The following CTCF variants were observed in gnomAD, a reference collection of about 807,000 sequenced individuals.
CTCF encodes the protein CCCTC-binding factor.
CTCF carries 7 observed loss-of-function variants against 72.3 expected under a neutral mutation model. The observed-to-expected ratio is 0.10, with a 90% CI of 0.06 to 0.18. CTCF has a LOEUF of 0.18. Ranked by LOEUF, CTCF falls within the 10% of genes least tolerant of loss-of-function variation. The probability of loss-of-function intolerance (pLI) is 1.00; values close to 1 mark genes in which losing one functional copy is unlikely to be tolerated. For synonymous variants in CTCF, 374 were observed against 315.8 expected, an observed-to-expected ratio of 1.18 and a Z score of -1.95; for missense variants, 516 against 949.1, an observed-to-expected ratio of 0.54 and a Z score of 6.00.
At chr16:67,573,613 A>T (rs896383686) in intron 2 of CTCF, among the ~76,000 whole-genome samples, 1 of 152,200 alleles carries the variant, frequency 6.6e-6, no homozygotes, top group Non-Finnish European at 1.5e-5. Flanking sequence ...GAAGCAATAC[A>T]TTTGAGCTAT....
At chr16:67,586,940 C>G (rs1464478992) in intron 2 of CTCF, among the ~76,000 whole-genome samples, 3 of 151,706 alleles carry the variant, frequency 2.0e-5, no homozygotes, top group Non-Finnish European at 2.9e-5. Flanking sequence ...ACTACAGGCC[C>G]GCACCACCAT....
At position 67,636,754 on chromosome 16, in the gene CTCF, T is replaced by C. The variant is rs1419593363; in HGVS notation, c.1902T>C (p.Pro634=). The C allele has an allele frequency of 1.9e-6, 3 of 1,609,068 alleles. No homozygotes were observed. The African/African-American group carries it at 4.0e-5, about 22-fold the overall frequency. The part of the protein sequence containing the change: ...DEEEPAVEIE[P]EPEPQPVTPA... ...AGGAGCCTGCCGTAGAAATTGAACCTGAGCCAGAGCCTCAGCCTGTGACCC... is the reference window on the plus strand; with the variant it reads ...AGGAGCCTGCCGTAGAAATTGAACCCGAGCCAGAGCCTCAGCCTGTGACCC... The change falls in exon 11 of 12, where the codon CCT becomes CCC. Residue 634 remains proline, a synonymous_variant. Coordinates refer to ENST00000264010, the MANE Select transcript of CTCF (RefSeq NM_006565.4).
intron 2 of CTCF, among the ~76,000 whole-genome samples, chr16:67,578,701 AT>A (rs905096913): frequency 1.3e-4 from 20 of 151,286 alleles, no homozygotes; most frequent in Non-Finnish European, 2.4e-4. Context: ...TAATCTCAGC[AT>A]TTTGGGAGGC....
At chr16:67,601,294 C>CGTGTGTGTGTGTGTGTGTGT (rs58241150) in intron 2 of CTCF, among the ~76,000 whole-genome samples, 2 of 98,670 alleles carry the variant, frequency 2.0e-5, no homozygotes, top group Admixed American at 1.1e-4. Flanking sequence ...ACTCTGTCAC[C>CGTGTGTGTGTGTGTGTGTGT]GTGTGTGTGT....
In CTCF at chr16:67,571,274, A is replaced by G. The variant is rs900324526; in HGVS notation, c.-10+10A>G. 2.6e-5 allele frequency: 4 copies of G among 152,514 alleles called. No individual in the cohort carries two copies. Among genetic ancestry groups the G allele is most frequent in the Admixed American group, 1.3e-4 (2 of 15,254 alleles). 9.4% of individuals were successfully genotyped at this position (152,514 alleles called of 1,614,324 possible). A position where few individuals can be genotyped will look rare whatever the true frequency, so the allele number is the denominator to read the frequency against. ...TTGCAGCCACGGAGAGGTAAGTGCTATTTCCATTTTTTCTATCTTAAAAAT... is the reference window on the plus strand; with the variant it reads ...TTGCAGCCACGGAGAGGTAAGTGCTGTTTCCATTTTTTCTATCTTAAAAAT... On this transcript the variant is annotated intron_variant, in intron 2 of 11. Transcript: ENST00000264010.
In CTCF at chr16:67,637,951, CTTT is replaced by C; in HGVS notation, c.*84_*86del. ...GCATCTTAATTTTTCTCCCTTCTTT[CTTT>C]TTTTGGCTTTGGGAAAAGCATCATT... On this transcript the variant is annotated 3_prime_UTR_variant, in exon 12 of 12. Transcript: ENST00000264010. 1 of 1,272,212 alleles carries C rather than the reference CTTT, an allele frequency of 7.9e-7. No homozygotes were observed. The highest frequency in any genetic ancestry group is 2.5e-5 in the East Asian group (1 of 40,058). The allele number at this position is 1,272,212 out of a possible 1,614,324, so 78.8% of individuals were successfully genotyped here. A position where few individuals can be genotyped will look rare whatever the true frequency, so the allele number is the denominator to read the frequency against.
chr16:67,578,413 AC>A (rs2051532620), intron 2 of CTCF, among the ~76,000 whole-genome samples: 1 of 147,402 alleles, frequency 6.8e-6, no homozygotes, highest in African/African-American at 2.5e-5. Context: ...GCTCACTGCA[AC>A]CTCTACCTCC....
intron 1 of CTCF, among the ~76,000 whole-genome samples, chr16:67,566,532 AAAAAAAAAGATTAGTCTT>A (rs2051345181): frequency 6.6e-6 from 1 of 150,862 alleles, no homozygotes; most frequent in East Asian, 2.0e-4. Context: ...AAAAAAAAAA[AAAAAAAAAGATTAGTCTT>A]ACCACATTTG....
Position 67,608,043 on chromosome 16 carries a change from G to T in CTCF, c.-9-2781G>T, listed in dbSNP as rs1218448739. 3.0e-5 allele frequency among the ~76,000 whole-genome samples: 4 copies of T among 134,462 alleles called. No individual in the cohort carries two copies. In the Admixed American group the frequency reaches 3.0e-4, roughly 10 times the overall value. 88.2% of individuals were successfully genotyped at this position (134,462 alleles called of 152,430 possible). A position where few individuals can be genotyped will look rare whatever the true frequency, so the allele number is the denominator to read the frequency against. ...CAAAAAAAAAAAAAAAGTAAAAACCGGTTGGGCGCAGTGGCTCACACCTGT... is the reference window on the plus strand; with the variant it reads ...CAAAAAAAAAAAAAAAGTAAAAACCTGTTGGGCGCAGTGGCTCACACCTGT... On this transcript the variant is annotated intron_variant, in intron 2 of 11. Coordinates refer to ENST00000264010, the MANE Select transcript of CTCF (RefSeq NM_006565.4).
Position 67,576,140 on chromosome 16 carries a change from T to TAAA in CTCF, c.-10+4896_-10+4898dup, listed in dbSNP as rs561098313. ...TGGGTGACAGAGTGAGACCCTGTCT[T>TAAA]AAAAAAAAAAAAAAAAAAAAAACGG... On this transcript the variant is annotated intron_variant, in intron 2 of 11. Coordinates refer to ENST00000264010, the MANE Select transcript of CTCF (RefSeq NM_006565.4). Among the ~76,000 whole-genome samples the TAAA allele has an allele frequency of 2.1e-3, 194 of 91,876 alleles. 3 individuals carry two copies. Among genetic ancestry groups the TAAA allele is most frequent in the African/African-American group, 7.1e-3 (176 of 24,684 alleles). 60.3% of individuals were successfully genotyped at this position (91,876 alleles called of 152,430 possible). A position where few individuals can be genotyped will look rare whatever the true frequency, so the allele number is the denominator to read the frequency against.
At chr16:67,596,911 G>T (rs189816811) in intron 2 of CTCF, among the ~76,000 whole-genome samples, 2 of 152,192 alleles carry the variant, frequency 1.3e-5, no homozygotes, top group East Asian at 1.9e-4. Flanking sequence ...TTATTTTATG[G>T]TGCTTAAAAT....
intron 2 of CTCF, among the ~76,000 whole-genome samples, chr16:67,594,866 T>C (rs985427211): frequency 5.3e-5 from 8 of 152,106 alleles, no homozygotes; most frequent in Admixed American, 2.6e-4. Context: ...ACATAGAACA[T>C]TATGCTACAG....
chr16:67,618,839 C>T (rs920714297), intron 5 of CTCF, among the ~76,000 whole-genome samples: 1 of 152,092 alleles, frequency 6.6e-6, no homozygotes, highest in Admixed American at 6.6e-5. Flanking sequence ...GTAACTTTTC[C>T]AGAGGACCTG....
chr16:67,599,821 T>C (rs760615894), intron 2 of CTCF, among the ~76,000 whole-genome samples: 7 of 152,196 alleles, frequency 4.6e-5, no homozygotes, highest in Non-Finnish European at 7.3e-5. Context: ...AGTTTCTGTT[T>C]ATTCCCTGTC....
intron 2 of CTCF, among the ~76,000 whole-genome samples, chr16:67,593,904 A>G (rs891508375): frequency 6.6e-6 from 1 of 152,196 alleles, no homozygotes; most frequent in African/African-American, 2.4e-5. Context: ...TAAACTCTGC[A>G]GTGGTGAGTA....
At chr16:67,619,856 C>T (rs1010304855) in intron 5 of CTCF, among the ~76,000 whole-genome samples, 2 of 152,218 alleles carry the variant, frequency 1.3e-5, no homozygotes, top group East Asian at 1.9e-4. Flanking sequence ...AGTGCTGGGA[C>T]TACAGGTGTG....
chr16:67,605,495 A>AT (rs2142805334), intron 2 of CTCF, among the ~76,000 whole-genome samples: 1 of 152,326 alleles, frequency 6.6e-6, no homozygotes, highest in African/African-American at 2.4e-5. Context: ...GAAAGAAAGA[A>AT]GGTAATGGAA....
At chr16:67,570,225 C>T (rs943633714) in intron 1 of CTCF, among the ~76,000 whole-genome samples, 5 of 151,308 alleles carry the variant, frequency 3.3e-5, no homozygotes, top group African/African-American at 7.3e-5. Flanking sequence ...TACAGGCACC[C>T]GCCACCACAC....
At chr16:67,599,755 AACC>A (rs1235601532) in intron 2 of CTCF, among the ~76,000 whole-genome samples, 5 of 152,228 alleles carry the variant, frequency 3.3e-5, no homozygotes, top group Middle Eastern at 3.2e-3. Flanking sequence ...CGGACGACTA[AACC>A]ACCCACTTTG....
Sources: gnomAD v4.1 joint callset for allele counts (sites outside exome capture counted in the v4.1 genomes callset) on GRCh38, gnomAD v4.1.1 for gene constraint, MANE v1.5 for transcripts, NCBI Gene and HGNC (gene_info 2026-07-23, HGNC 2026-07-21) for gene names.